CYLD: variants seen among roughly 807,000 people sequenced by gnomAD.
CYLD encodes CYLD lysine 63 deubiquitinase, also known as ubiquitin carboxyl-terminal hydrolase CYLD.
Under a neutral mutation model 104.5 loss-of-function variants are expected in CYLD, and 26 were observed. The observed-to-expected ratio is 0.25, with a 90% CI of 0.18 to 0.35. The LOEUF (loss-of-function observed/expected upper bound fraction) is 0.35. Among genes scored for constraint, CYLD ranks in the 10% least tolerant of loss-of-function variants. CYLD has a pLI of 1.00. For missense variants in CYLD, 703 were observed against 1,136.1 expected (o/e 0.62, Z 5.48); for synonymous variants, 385 against 399.9 (o/e 0.96, Z 0.45).
In CYLD at chr16:50,779,908, C is replaced by T. The variant is rs1249728850; in HGVS notation, c.1382C>T (p.Ala461Val). 3 of 1,613,980 alleles carry T rather than the reference C, an allele frequency of 1.9e-6. No individual in the cohort carries two copies. The South Asian group carries it at 3.3e-5, about 18-fold the overall frequency. Residue 461 changes from alanine to valine, a missense_variant, in exon 9 of 19, where the codon GCC becomes GTC. Physicochemically the swap from Ala to Val is moderately conservative, Grantham distance 64. Coordinates refer to ENST00000427738, the MANE Select transcript of CYLD (RefSeq NM_001378743.1). ...CCCGTCCAAGAGAGTCCACCCTTGG[C>T]CATGCCTCCTGGGAACTCACATGGT... ...TAPVQESPPL[A>V]MPPGNSHGLE...
At position 50,794,008 on chromosome 16, in the gene CYLD, A is replaced by G. The variant is rs1339341226; in HGVS notation, c.2470-204A>G. Among the ~76,000 whole-genome samples, 4 of 151,114 alleles carry G rather than the reference A, an allele frequency of 2.6e-5. No homozygotes were observed. The highest frequency in any genetic ancestry group is 7.3e-5 in the African/African-American group (3 of 41,016). On this transcript the variant is annotated intron_variant, in intron 17 of 18. Transcript: ENST00000427738. This position sits in a 1 kb window ranked among gnomAD's most constrained non-coding sequence, Gnocchi z 4.1. ...AGTGGCACGATCTCGGCCCACTGCA[A>G]CCTCCGCCTCCGGGATTTAAATGAT...
rs758051620 is a variant in CYLD, at chr16:50,794,523, T to C, written c.2686+95T>C. The stretch of plus-strand genomic sequence containing the variant: ...ATCGCCTGTTCTGAGTGATATTTTC[T>C]GAGAAAATCCTTTCAGGATTATTCT... On this transcript the variant is annotated intron_variant, in intron 18 of 18. Coordinates refer to ENST00000427738, the MANE Select transcript of CYLD (RefSeq NM_001378743.1). This position sits in a 1 kb window ranked among gnomAD's most constrained non-coding sequence, Gnocchi z 4.1. 3 of 1,193,988 alleles carry C rather than the reference T, an allele frequency of 2.5e-6. No individual in the cohort carries two copies. The highest frequency in any genetic ancestry group is 2.5e-6 in the Non-Finnish European group (2 of 803,406). The allele number at this position is 1,193,988 out of a possible 1,614,324, so 74.0% of individuals were successfully genotyped here. A position where few individuals can be genotyped will look rare whatever the true frequency, so the allele number is the denominator to read the frequency against.
intron 5 of CYLD, among the ~76,000 whole-genome samples, chr16:50,755,472 G>A (rs142453635): frequency 1.3e-5 from 2 of 152,254 alleles, no homozygotes; most frequent in African/African-American, 4.8e-5. Context: ...CACAGTGGTT[G>A]TACTAGTTTA....
At chr16:50,790,931 C>T (rs1050649092) in intron 14 of CYLD, among the ~76,000 whole-genome samples, 5 of 152,034 alleles carry the variant, frequency 3.3e-5, no homozygotes, top group Admixed American at 3.3e-4. Flanking sequence ...ATAAGAGTAA[C>T]ACTGTGATTG....
At chr16:50,782,874 G>A (rs1478770263) in intron 11 of CYLD, among the ~76,000 whole-genome samples, 1 of 149,058 alleles carries the variant, frequency 6.7e-6, no homozygotes, top group Non-Finnish European at 1.5e-5. Flanking sequence ...CAGCACTGCT[G>A]CCCTCATATA....
At chr16:50,749,550 C>A (rs1170570288) in intron 2 of CYLD, 26 bp from the exon 3 acceptor site, 4 of 736,346 alleles carry the variant, frequency 5.4e-6, no homozygotes, top group Non-Finnish European at 8.8e-6. Flanking sequence ...TTTCACTAGG[C>A]ATTTTGATTT....
At chr16:50,782,543 C>T (rs1005353186) in intron 11 of CYLD, 77 bp downstream of exon 11, 262 of 1,220,578 alleles carry the variant, frequency 2.1e-4, no homozygotes, top group Non-Finnish European at 2.6e-4. Flanking sequence ...TGTGTGTGTG[C>T]GTGTGAGTGT....
chr16:50,768,944 A>G (rs533995379), intron 5 of CYLD, among the ~76,000 whole-genome samples: 2 of 152,298 alleles, frequency 1.3e-5, no homozygotes, highest in South Asian at 2.1e-4. Flanking sequence ...TCACATTTTT[A>G]AGGATTTTAC....
At chr16:50,791,437 C>T in intron 14 of CYLD, 121 bp from the exon 15 acceptor site, 2 of 988,662 alleles carry the variant, frequency 2.0e-6, no homozygotes, top group Middle Eastern at 3.0e-4. Context: ...TCTGACTATC[C>T]AAAGCTACAC....
chr16:50,782,516 A>C (rs1229986043), intron 11 of CYLD, 50 bp downstream of exon 11: 1 of 1,593,874 alleles, frequency 6.3e-7, no homozygotes, highest in African/African-American at 1.3e-5. Flanking sequence ...TGAGGCAGGG[A>C]CACATACCGG....
At chr16:50,763,117 C>A (rs776834007) in intron 5 of CYLD, among the ~76,000 whole-genome samples, 11 of 152,186 alleles carry the variant, frequency 7.2e-5, no homozygotes, top group Non-Finnish European at 1.3e-4. Flanking sequence ...AATGGAATCA[C>A]ATTATATGTG....
intron 18 of CYLD, among the ~76,000 whole-genome samples, chr16:50,796,033 T>G (rs1972010647): frequency 6.6e-6 from 1 of 152,192 alleles, no homozygotes; most frequent in Non-Finnish European, 1.5e-5. Context: ...CGTCTACATA[T>G]GTATTGATAA....
At chr16:50,782,524 C>A (rs386468390) in intron 11 of CYLD, 58 bp downstream of exon 11, 2 of 1,508,636 alleles carry the variant, frequency 1.3e-6, no homozygotes. Context: ...GGACACATAC[C>A]GGTGTGTGTG....
intron 14 of CYLD, among the ~76,000 whole-genome samples, chr16:50,790,657 T>C (rs1257679050): frequency 6.6e-6 from 1 of 152,150 alleles, no homozygotes; most frequent in Non-Finnish European, 1.5e-5. Context: ...TTTGGGGATA[T>C]AAGTTGCTTT....
intron 5 of CYLD, among the ~76,000 whole-genome samples, chr16:50,774,904 T>C (rs1969513859): frequency 6.6e-6 from 1 of 152,224 alleles, no homozygotes; most frequent in Non-Finnish European, 1.5e-5. Flanking sequence ...TCGTGGTTAA[T>C]TGGTATAATT....
intron 5 of CYLD, among the ~76,000 whole-genome samples, chr16:50,767,583 T>C (rs1329306223): frequency 2.0e-5 from 3 of 152,190 alleles, no homozygotes; most frequent in African/African-American, 7.2e-5. Context: ...TGCATTTCTT[T>C]GAATTTTACA....
In CYLD at chr16:50,794,134, A is replaced by C; in HGVS notation, c.2470-78A>C. On this transcript the variant is annotated intron_variant, in intron 17 of 18. Coordinates refer to ENST00000427738, the MANE Select transcript of CYLD (RefSeq NM_001378743.1). The surrounding 1 kb of genome is among the most constrained non-coding windows in gnomAD (Gnocchi z 4.1). ...ACAGAGACAGGGTTTCACCATCTTGATCAGGCTGGTCTTGAACTCCTGACC... is the reference window on the plus strand; with the variant it reads ...ACAGAGACAGGGTTTCACCATCTTGCTCAGGCTGGTCTTGAACTCCTGACC... 1 of 1,315,014 alleles carries C rather than the reference A, an allele frequency of 7.6e-7. No individual in the cohort carries two copies. The highest frequency in any genetic ancestry group is 1.2e-5 in the South Asian group (1 of 84,354). The allele number at this position is 1,315,014 out of a possible 1,614,324, so 81.5% of individuals were successfully genotyped here. A position where few individuals can be genotyped will look rare whatever the true frequency, so the allele number is the denominator to read the frequency against.
chr16:50,772,617 T>C (rs1465376871), intron 5 of CYLD, among the ~76,000 whole-genome samples: 2 of 152,234 alleles, frequency 1.3e-5, no homozygotes, highest in African/African-American at 4.8e-5. Context: ...ATTTAGGTTG[T>C]TTTCAATCTT....
At chr16:50,742,441 C>G (rs907126987) in intron 1 of CYLD, 1 of 223,892 alleles carries the variant, frequency 4.5e-6, no homozygotes, top group African/African-American at 2.3e-5. Flanking sequence ...CCGAGGCTTC[C>G]CGGGAGGGCT....
Sources: gnomAD v4.1 joint callset for allele counts (sites outside exome capture counted in the v4.1 genomes callset) on GRCh38, gnomAD v4.1.1 for gene constraint, Gnocchi (gnomAD v3.1) non-coding constraint, MANE v1.5 for transcripts, NCBI Gene and HGNC (gene_info 2026-07-23, HGNC 2026-07-21) for gene names.